ADGRL3: variants seen among roughly 807,000 people sequenced by gnomAD.
ADGRL3 encodes calcium-independent alpha-latrotoxin receptor 3.
ADGRL3 carries 62 observed loss-of-function variants against 153.5 expected under a neutral mutation model. The observed-to-expected ratio is 0.40, with a 90% CI of 0.33 to 0.50. ADGRL3 has a LOEUF of 0.50. Among genes scored for constraint, ADGRL3 ranks in the 20% least tolerant of loss-of-function variants. The probability of loss-of-function intolerance (pLI) is 0.47; values close to 1 mark genes in which losing one functional copy is unlikely to be tolerated. For missense variants in ADGRL3, 1,641 were observed against 1,859.4 expected (o/e 0.88, Z 2.16); for synonymous variants, 710 against 672.5 (o/e 1.06, Z -0.86).
intron 1 of ADGRL3, among the ~76,000 whole-genome samples, chr4:61,271,340 T>G (rs1373347568): frequency 6.6e-6 from 1 of 152,008 alleles, no homozygotes; most frequent in African/African-American, 2.4e-5. Flanking sequence ...CATTAAGAAC[T>G]ATAACTCCCC....
At chr4:61,410,137 G>A in intron 2 of ADGRL3, among the ~76,000 whole-genome samples, 1 of 151,816 alleles carries the variant, frequency 6.6e-6, no homozygotes, top group East Asian at 1.9e-4. Flanking sequence ...TAAAATAATT[G>A]ATGTTGGACA....
chr4:61,540,705 T>C (rs1167936437), intron 4 of ADGRL3, among the ~76,000 whole-genome samples: 2 of 152,186 alleles, frequency 1.3e-5, no homozygotes, highest in Non-Finnish European at 2.9e-5. Context: ...TATTTGAGAA[T>C]AGAACACAAT....
chr4:61,515,162 C>T (rs1235194660), intron 3 of ADGRL3, among the ~76,000 whole-genome samples: 1 of 152,124 alleles, frequency 6.6e-6, no homozygotes, highest in African/African-American at 2.4e-5. Context: ...GCCTTCCAGA[C>T]TATTCTTCAC....
chr4:61,417,399 T>A (rs985020526), intron 2 of ADGRL3, among the ~76,000 whole-genome samples: 1 of 151,778 alleles, frequency 6.6e-6, no homozygotes, highest in Non-Finnish European at 1.5e-5. Flanking sequence ...GGTGGGAGGA[T>A]CACTCTTGAA....
intron 4 of ADGRL3, among the ~76,000 whole-genome samples, chr4:61,547,430 A>G (rs1050710378): frequency 6.6e-6 from 1 of 151,888 alleles, no homozygotes; most frequent in Admixed American, 6.6e-5. Context: ...TCACCCTTCA[A>G]TCTCAAGTAG....
chr4:61,593,602 T>A (rs2098977980), intron 5 of ADGRL3, among the ~76,000 whole-genome samples: 1 of 152,132 alleles, frequency 6.6e-6, no homozygotes, highest in South Asian at 2.1e-4. Context: ...ACTTTAAATA[T>A]GTCATGCCAT....
chr4:61,892,542 G>A (rs1378986743), intron 9 of ADGRL3, 114 bp from the exon 10 acceptor site: 10 of 744,850 alleles, frequency 1.3e-5, no homozygotes, highest in Non-Finnish European at 2.2e-5. Flanking sequence ...AAGACTTCTA[G>A]AGCTTTAAAG....
At chr4:61,351,123 C>T (rs2096039249) in intron 1 of ADGRL3, among the ~76,000 whole-genome samples, 1 of 152,086 alleles carries the variant, frequency 6.6e-6, no homozygotes, top group Admixed American at 6.6e-5. Flanking sequence ...GCAAAACAGC[C>T]TTTTTGCTGA....
intron 4 of ADGRL3, among the ~76,000 whole-genome samples, chr4:61,525,714 C>T (rs1423691490): frequency 6.6e-6 from 1 of 152,024 alleles, no homozygotes; most frequent in Non-Finnish European, 1.5e-5. Context: ...GATAGTACTA[C>T]TGGGCTACTA....
intron 4 of ADGRL3, among the ~76,000 whole-genome samples, chr4:61,543,832 AAAG>A (rs2098701746): frequency 6.6e-6 from 1 of 152,160 alleles, no homozygotes; most frequent in Non-Finnish European, 1.5e-5. Flanking sequence ...GTATTGCTAT[AAAG>A]TTTGTTCAGT....
intron 5 of ADGRL3, among the ~76,000 whole-genome samples, chr4:61,665,683 C>T (rs1189535754): frequency 1.3e-5 from 2 of 152,148 alleles, no homozygotes; most frequent in African/African-American, 4.8e-5. Flanking sequence ...CTTTTATTTA[C>T]ATTTGCTGGT....
At chr4:61,572,504 AATATTAAATGCGT>A (rs2098843231) in intron 4 of ADGRL3, among the ~76,000 whole-genome samples, 6 of 152,122 alleles carry the variant, frequency 3.9e-5, no homozygotes. Context: ...AAGGAAACAC[AATATTAAATGCGT>A]ATAAATTTAA....
chr4:61,565,095 T>C (rs2098811029), intron 4 of ADGRL3, among the ~76,000 whole-genome samples: 1 of 152,126 alleles, frequency 6.6e-6, no homozygotes, highest in African/African-American at 2.4e-5. Context: ...GCACATGCCA[T>C]TGGAAAAATG....
chr4:61,654,387 T>C (rs1458039271), intron 5 of ADGRL3, among the ~76,000 whole-genome samples: 1 of 152,102 alleles, frequency 6.6e-6, no homozygotes, highest in Non-Finnish European at 1.5e-5. Flanking sequence ...TGATTCTTTT[T>C]ACTCATTATT....
intron 12 of ADGRL3, among the ~76,000 whole-genome samples, chr4:61,910,600 T>A (rs1385086551): frequency 6.6e-6 from 1 of 151,994 alleles, no homozygotes; most frequent in Middle Eastern, 3.4e-3. Flanking sequence ...GACTGGCATT[T>A]GTGTAGTAGA....
intron 6 of ADGRL3, among the ~76,000 whole-genome samples, chr4:61,687,313 C>G (rs533409718): frequency 1.3e-5 from 2 of 151,864 alleles, no homozygotes; most frequent in Non-Finnish European, 2.9e-5. Flanking sequence ...GGAGGTTATT[C>G]TGGATTATCT....
At chr4:62,000,749 A>C (rs906233330) in intron 21 of ADGRL3, among the ~76,000 whole-genome samples, 1 of 151,982 alleles carries the variant, frequency 6.6e-6, no homozygotes, top group African/African-American at 2.4e-5. Flanking sequence ...GAAGGGGTAC[A>C]GAGGATTTTT....
intron 9 of ADGRL3, among the ~76,000 whole-genome samples, chr4:61,825,084 C>T (rs2097788972): frequency 6.6e-6 from 1 of 152,126 alleles, no homozygotes; most frequent in Non-Finnish European, 1.5e-5. Context: ...AGTGATAGCT[C>T]TGGGTCCAGC....
intron 5 of ADGRL3, among the ~76,000 whole-genome samples, chr4:61,661,540 T>C (rs1178433231): frequency 2.0e-5 from 3 of 152,054 alleles, no homozygotes; most frequent in Admixed American, 1.3e-4. Context: ...ATATTATTAT[T>C]TTCATTGTGT....
Sources: gnomAD v4.1 joint callset for allele counts (sites outside exome capture counted in the v4.1 genomes callset) on GRCh38, gnomAD v4.1.1 for gene constraint, MANE v1.5 for transcripts, NCBI Gene and HGNC (gene_info 2026-07-23, HGNC 2026-07-21) for gene names.